The following UNC13B variants were observed in gnomAD, a reference collection of about 807,000 sequenced individuals.
The protein encoded by UNC13B is protein unc-13 homolog B.
A neutral mutation model predicts 211.0 loss-of-function variants in UNC13B; 144 were observed. The ratio of observed to expected loss-of-function variants is 0.68; its 90% CI spans 0.60 to 0.78. UNC13B has a LOEUF of 0.78. Among genes scored for constraint, UNC13B ranks in the 30% least tolerant of loss-of-function variants. The probability of loss-of-function intolerance (pLI) is 0.00; values close to 1 mark genes in which losing one functional copy is unlikely to be tolerated. For synonymous variants in UNC13B, 709 were observed against 725.8 expected, an observed-to-expected ratio of 0.98 and a Z score of 0.37; for missense variants, 1,777 against 2,002.0, an observed-to-expected ratio of 0.89 and a Z score of 2.14.
chr9:35,397,105 C>G, intron 28 of UNC13B, 62 bp from the exon 29 acceptor site: 1 of 1,606,486 alleles, frequency 6.2e-7, no homozygotes, highest in Non-Finnish European at 8.5e-7. Flanking sequence ...CCTTTTCAAA[C>G]TCTACAAGCT....
chr9:35,282,796 A>G (rs1373579514), intron 7 of UNC13B, among the ~76,000 whole-genome samples: 1 of 151,664 alleles, frequency 6.6e-6, no homozygotes, highest in Non-Finnish European at 1.5e-5. Context: ...TTTTTTCCTT[A>G]CAATTTGTTT....
At position 35,304,419 on chromosome 9, in the gene UNC13B, A is replaced by G. The variant is rs375946284; in HGVS notation, c.5015A>G (p.Asp1672Gly). ...SFKERPCGSE[D>G]AECTLDLRNQ... is the part of the protein sequence containing the mutation. ...AAAGAAAGGCCGTGTGGTTCTGAAG[A>G]CGCTGAATGTACATTAGATCTCAGA... The change falls in exon 9 of 40, where the codon GAC becomes GGC. Residue 1672 changes from aspartate to glycine, a missense_variant. Coordinates refer to ENST00000635942, the MANE Select transcript of UNC13B (RefSeq NM_001371189.2). 5.1e-4 allele frequency: 203 copies of G among 398,704 alleles called. No individual in the cohort carries two copies. In the East Asian group the frequency reaches 6.7e-3, roughly 13 times the overall value. The allele number at this position is 398,704 out of a possible 1,614,324, so 24.7% of individuals were successfully genotyped here. A position where few individuals can be genotyped will look rare whatever the true frequency, so the allele number is the denominator to read the frequency against.
intron 11 of UNC13B, chr9:35,361,873 G>T (rs1833437119): frequency 6.6e-6 from 1 of 152,180 alleles, no homozygotes; most frequent in Admixed American, 6.5e-5. Flanking sequence ...GCTGGGTGTG[G>T]GAGGGAGGTG....
At chr9:35,381,491 C>T in intron 19 of UNC13B, 65 bp from the exon 20 acceptor site, 1 of 1,533,772 alleles carries the variant, frequency 6.5e-7, no homozygotes, top group South Asian at 1.3e-5. Context: ...GGCTTTACCA[C>T]CAAGTTTGTT....
rs1829766517 is a variant in UNC13B at position 35,303,141 on chromosome 9, C to T, written c.3737C>T (p.Ser1246Phe). ...PKNHVEKHET[S>F]SFIEASLLPK... is the part of the protein sequence containing the mutation. ...AACCATGTTGAAAAACATGAAACTT[C>T]TAGCTTCATAGAAGCCTCCTTATTA... The change falls in exon 9 of 40, where the codon TCT (serine) becomes TTT (phenylalanine). Residue 1246 changes from serine to phenylalanine, a missense_variant. Physicochemically the swap from Ser to Phe is radical, Grantham distance 155. Transcript: ENST00000635942. The T allele has an allele frequency of 5.0e-6, 2 of 398,674 alleles. No homozygotes were observed. The highest frequency in any genetic ancestry group is 7.1e-5 in the East Asian group (2 of 28,066). 24.7% of individuals were successfully genotyped at this position (398,674 alleles called of 1,614,324 possible). A position where few individuals can be genotyped will look rare whatever the true frequency, so the allele number is the denominator to read the frequency against.
chr9:35,206,222 A>G (rs1263174905), intron 1 of UNC13B, among the ~76,000 whole-genome samples: 1 of 152,172 alleles, frequency 6.6e-6, no homozygotes, highest in Non-Finnish European at 1.5e-5. Flanking sequence ...AAAATTAAAA[A>G]TTGAGGTGAT....
intron 37 of UNC13B, among the ~76,000 whole-genome samples, chr9:35,402,814 ACC>A (rs1836411497): frequency 1.3e-5 from 2 of 152,122 alleles, no homozygotes; most frequent in Admixed American, 1.3e-4. Context: ...AAGAGACACT[ACC>A]AGGTCAACAT....
intron 6 of UNC13B, among the ~76,000 whole-genome samples, chr9:35,252,240 A>T (rs1308465503): frequency 6.6e-6 from 1 of 152,210 alleles, no homozygotes; most frequent in African/African-American, 2.4e-5. Context: ...ATTCATTATG[A>T]TGTTTTCCCA....
intron 11 of UNC13B, chr9:35,352,239 T>C (rs1832761361): frequency 8.1e-7 from 1 of 1,232,110 alleles, no homozygotes; most frequent in African/African-American, 1.5e-5. Flanking sequence ...ATGGAACTGG[T>C]GGAAAGCTTT....
intron 1 of UNC13B, among the ~76,000 whole-genome samples, chr9:35,177,417 T>G (rs1821699086): frequency 6.6e-6 from 1 of 152,204 alleles, no homozygotes; most frequent in South Asian, 2.1e-4. Flanking sequence ...TCTACTTTGA[T>G]TTGTTTGAAT....
chr9:35,196,464 C>T (rs1467047495), intron 1 of UNC13B, among the ~76,000 whole-genome samples: 1 of 152,132 alleles, frequency 6.6e-6, no homozygotes, highest in Admixed American at 6.6e-5. Context: ...GACTCAGGAG[C>T]GGAAGTTACA....
At chr9:35,233,545 C>T (rs1356849125) in intron 3 of UNC13B, among the ~76,000 whole-genome samples, 2 of 152,168 alleles carry the variant, frequency 1.3e-5, no homozygotes, top group African/African-American at 4.8e-5. Context: ...TCACTCCTTG[C>T]AGAACTTAGT....
intron 11 of UNC13B, among the ~76,000 whole-genome samples, chr9:35,339,261 A>T (rs1831843003): frequency 6.6e-6 from 1 of 152,188 alleles, no homozygotes; most frequent in Non-Finnish European, 1.5e-5. Context: ...TGAGCAGCCT[A>T]CTTTGAGGAA....
intron 26 of UNC13B, among the ~76,000 whole-genome samples, chr9:35,396,082 T>G (rs1366828361): frequency 6.6e-6 from 1 of 152,186 alleles, no homozygotes; most frequent in Non-Finnish European, 1.5e-5. Flanking sequence ...ACTCAGCTAC[T>G]GTGATCAGAA....
At chr9:35,212,965 C>T (rs183878367) in intron 1 of UNC13B, among the ~76,000 whole-genome samples, 7 of 152,274 alleles carry the variant, frequency 4.6e-5, no homozygotes, top group Admixed American at 3.3e-4. Context: ...TGGGCAAGGC[C>T]TCTTTGAATT....
intron 6 of UNC13B, among the ~76,000 whole-genome samples, chr9:35,245,597 A>G (rs1277360645): frequency 1.4e-5 from 2 of 145,818 alleles, no homozygotes; most frequent in African/African-American, 5.1e-5. Context: ...AGAACATGCG[A>G]TGTTTGGTTT....
At chr9:35,362,539 G>A (rs895966472) in intron 11 of UNC13B, among the ~76,000 whole-genome samples, 1 of 152,198 alleles carries the variant, frequency 6.6e-6, no homozygotes, top group African/African-American at 2.4e-5. Context: ...GCGGGGCGTG[G>A]TGGCTCACGC....
intron 5 of UNC13B, among the ~76,000 whole-genome samples, chr9:35,242,036 A>G (rs1404600233): frequency 6.6e-6 from 1 of 152,132 alleles, no homozygotes; most frequent in African/African-American, 2.4e-5. Context: ...TATGATCCAT[A>G]TATTGCCTGA....
At chr9:35,203,085 C>A (rs1390715553) in intron 1 of UNC13B, among the ~76,000 whole-genome samples, 5 of 152,174 alleles carry the variant, frequency 3.3e-5, no homozygotes, top group African/African-American at 4.8e-5. Flanking sequence ...AGCCACCATG[C>A]CCGGCCGGGT....
Sources: gnomAD v4.1 joint callset for allele counts (sites outside exome capture counted in the v4.1 genomes callset) on GRCh38, gnomAD v4.1.1 for gene constraint, MANE v1.5 for transcripts, NCBI Gene and HGNC (gene_info 2026-07-23, HGNC 2026-07-21) for gene names.